RCC2: variants seen among roughly 807,000 people sequenced by gnomAD.
RCC2 encodes the protein regulator of chromosome condensation 2.
A neutral mutation model predicts 64.1 loss-of-function variants in RCC2; 19 were observed. The observed-to-expected ratio is 0.30, with a 90% confidence interval of 0.21 to 0.44. RCC2 has a LOEUF of 0.44. Ranked by LOEUF, RCC2 falls within the 20% of genes least tolerant of loss-of-function variation. The pLI is 1.00. For missense variants in RCC2, 508 were observed against 710.4 expected, an observed-to-expected ratio of 0.72 and a Z score of 3.24; for synonymous variants, 325 against 279.6, an observed-to-expected ratio of 1.16 and a Z score of -1.62.
chr1:17,410,661 A>T (rs2075414610), intron 11 of RCC2, among the ~76,000 whole-genome samples: 1 of 152,014 alleles, frequency 6.6e-6, no homozygotes, highest in Non-Finnish European at 1.5e-5. Flanking sequence ...GGTGAAACAG[A>T]GGGTCCCACA....
At chr1:17,438,027 A>AGGCCGCG (rs1372139795) in intron 2 of RCC2, among the ~76,000 whole-genome samples, 2 of 143,938 alleles carry the variant, frequency 1.4e-5, no homozygotes, top group African/African-American at 5.0e-5. Flanking sequence ...GGGGTCGGGT[A>AGGCCGCG]GGCCGCGGGC....
chr1:17,433,102 G>A (rs1159247292), intron 2 of RCC2, among the ~76,000 whole-genome samples: 1 of 152,122 alleles, frequency 6.6e-6, no homozygotes, highest in Non-Finnish European at 1.5e-5. Context: ...GGTAAACTGA[G>A]TCTACTCCAG....
At chr1:17,427,912 G>T (rs536140227) in intron 3 of RCC2, among the ~76,000 whole-genome samples, 1 of 152,252 alleles carries the variant, frequency 6.6e-6, no homozygotes, top group South Asian at 2.1e-4. Context: ...CAATTCCCAC[G>T]GCCTCCGGAT....
chr1:17,434,093 C>G (rs183066485), intron 2 of RCC2, among the ~76,000 whole-genome samples: 1 of 152,178 alleles, frequency 6.6e-6, no homozygotes. Flanking sequence ...TTATGAAGTG[C>G]GCAAAGAATT....
At chr1:17,414,853 C>A (rs1262454618) in intron 8 of RCC2, among the ~76,000 whole-genome samples, 1 of 152,094 alleles carries the variant, frequency 6.6e-6, no homozygotes, top group Non-Finnish European at 1.5e-5. Flanking sequence ...AGGCTGGTCT[C>A]AAATGATCTG....
chr1:17,418,664 CAATA>C (rs1001358698), intron 7 of RCC2, among the ~76,000 whole-genome samples: 1 of 151,906 alleles, frequency 6.6e-6, no homozygotes, highest in African/African-American at 2.4e-5. Context: ...TCAAAAAAAA[CAATA>C]AAAGTCTGAG....
intron 11 of RCC2, among the ~76,000 whole-genome samples, chr1:17,410,938 G>A (rs987147466): frequency 3.9e-5 from 6 of 151,974 alleles, no homozygotes; most frequent in African/African-American, 9.7e-5. Flanking sequence ...GTAGAAACTG[G>A]GCCAGGCTCT....
In RCC2 at chr1:17,412,194, C is replaced by T; in HGVS notation, c.1314G>A (p.Gly438=). The T allele has an allele frequency of 1.2e-6, 2 of 1,614,032 alleles. No individual in the cohort carries two copies. Among genetic ancestry groups the T allele is most frequent in the South Asian group, 2.2e-5 (2 of 91,054 alleles). ...CGGCGGCCACAATGATGCTGCTCTT[C>T]CTGCAAACAGGCAGGCTGTCACTGC... ...CGWRIRSLAC[G]KSSIIVAADE... Residue 438 remains glycine (G), a splice_region_variant and synonymous_variant, in exon 11 of 13, where the codon GGG becomes GGA. Transcript: ENST00000375436.
intron 7 of RCC2, among the ~76,000 whole-genome samples, chr1:17,417,693 C>A (rs920369770): frequency 4.6e-5 from 7 of 151,626 alleles, no homozygotes; most frequent in Non-Finnish European, 8.8e-5. Context: ...CAAAAAAAAA[C>A]AAACAAAAAA....
intron 11 of RCC2, 46 bp from the exon 12 acceptor site, chr1:17,410,097 C>T (rs2075409013): frequency 1.9e-6 from 3 of 1,554,362 alleles, no homozygotes; most frequent in Admixed American, 3.4e-5. Context: ...CCATGTGGCT[C>T]AGTCCACAAG....
chr1:17,434,143 T>C (rs1054301768), intron 2 of RCC2, among the ~76,000 whole-genome samples: 4 of 152,174 alleles, frequency 2.6e-5, no homozygotes, highest in African/African-American at 9.7e-5. Flanking sequence ...CCATCAATAT[T>C]TGGAGTTCCT....
At chr1:17,422,981 A>G in intron 4 of RCC2, 145 bp from the exon 5 acceptor site, 2 of 1,059,680 alleles carry the variant, frequency 1.9e-6, no homozygotes, top group Non-Finnish European at 2.8e-6. Context: ...CAAGATCCAG[A>G]GCAAAGAACG....
intron 2 of RCC2, among the ~76,000 whole-genome samples, chr1:17,437,834 C>G (rs1004263032): frequency 4.1e-5 from 6 of 145,306 alleles, no homozygotes; most frequent in Non-Finnish European, 7.7e-5. Context: ...GTGGGGCCCG[C>G]TGGCCGCCCC....
At chr1:17,437,343 C>T (rs1243480144) in intron 2 of RCC2, among the ~76,000 whole-genome samples, 1 of 152,224 alleles carries the variant, frequency 6.6e-6, no homozygotes, top group African/African-American at 2.4e-5. Context: ...CTGGTGAAAA[C>T]TTAGACCCTC....
chr1:17,409,495 C>A (rs540022465), intron 12 of RCC2, among the ~76,000 whole-genome samples: 4 of 152,316 alleles, frequency 2.6e-5, no homozygotes, highest in Non-Finnish European at 2.9e-5. Flanking sequence ...CCATCCCCCC[C>A]CTCTCTGGCT....
At chr1:17,425,416 G>A in intron 4 of RCC2, 125 bp downstream of exon 4, 1 of 924,110 alleles carries the variant, frequency 1.1e-6, no homozygotes, top group Non-Finnish European at 1.6e-6. Flanking sequence ...AAAGACATGG[G>A]CTGTGAACGA....
At chr1:17,437,316 G>A (rs1570215374) in intron 2 of RCC2, among the ~76,000 whole-genome samples, 3 of 152,318 alleles carry the variant, frequency 2.0e-5, no homozygotes, top group Non-Finnish European at 4.4e-5. Flanking sequence ...CTTGCTCTCT[G>A]GGGGTTATCT....
At chr1:17,432,302 A>G (rs1477179299) in intron 2 of RCC2, among the ~76,000 whole-genome samples, 1 of 152,142 alleles carries the variant, frequency 6.6e-6, no homozygotes, top group Non-Finnish European at 1.5e-5. Context: ...GGAATATGCT[A>G]CAGGTCTATA....
chr1:17,409,237 A>C (rs7517210), intron 12 of RCC2, 43 bp from the exon 13 acceptor site: 10 of 1,242,588 alleles, frequency 8.0e-6, no homozygotes, highest in Non-Finnish European at 1.2e-5. Context: ...AGGCGCCTGG[A>C]CTAATCAATG....
Sources: gnomAD v4.1 joint callset for allele counts (sites outside exome capture counted in the v4.1 genomes callset) on GRCh38, gnomAD v4.1.1 for gene constraint, MANE v1.5 for transcripts, NCBI Gene and HGNC (gene_info 2026-07-23, HGNC 2026-07-21) for gene names.